Variants in DLG2 observed in about 807,000 individuals in gnomAD.
DLG2 encodes the protein discs large MAGUK scaffold protein 2.
In DLG2, 45 loss-of-function variants were observed where a neutral mutation model predicts 132.5. That is an observed-to-expected ratio of 0.34 (90% CI 0.27 to 0.44). The LOEUF (loss-of-function observed/expected upper bound fraction) is 0.44, where lower values mean the gene tolerates loss of function less well. Among genes scored for constraint, DLG2 ranks in the 20% least tolerant of loss-of-function variants. The pLI, the probability that DLG2 is intolerant of heterozygous loss-of-function variation, is 1.00. For synonymous variants in DLG2, 424 were observed against 419.6 expected (o/e 1.01, Z -0.13); for missense variants, 1,045 against 1,196.9 (o/e 0.87, Z 1.87).
At chr11:83,822,425 C>T (rs953941458) in intron 17 of DLG2, among the ~76,000 whole-genome samples, 1 of 152,106 alleles carries the variant, frequency 6.6e-6, no homozygotes, top group African/African-American at 2.4e-5. Context: ...TTTATCTACC[C>T]AGTGTTCAGA....
intron 7 of DLG2, among the ~76,000 whole-genome samples, chr11:84,331,141 T>C (rs1317973353): frequency 6.6e-6 from 1 of 152,208 alleles, no homozygotes; most frequent in Non-Finnish European, 1.5e-5. Flanking sequence ...AGGTTTGAAT[T>C]TATGTATACT....
At chr11:85,105,974 G>A (rs2071674076) in intron 6 of DLG2, among the ~76,000 whole-genome samples, 1 of 137,178 alleles carries the variant, frequency 7.3e-6, no homozygotes, top group Non-Finnish European at 1.5e-5. Flanking sequence ...AAAAAGGGTT[G>A]GGAGGAACTA....
At chr11:84,207,081 C>CTATA (rs66827556) in intron 8 of DLG2, among the ~76,000 whole-genome samples, 32,597 of 146,688 alleles carry the variant, frequency 0.22, 4,005 homozygotes, top group Middle Eastern at 0.38. Context: ...CTCTCTCTCT[C>CTATA]TATATATATA....
chr11:84,984,032 A>G (rs2056141796), intron 6 of DLG2, among the ~76,000 whole-genome samples: 1 of 152,228 alleles, frequency 6.6e-6, no homozygotes, highest in Admixed American at 6.5e-5. Flanking sequence ...AAACTTAAGA[A>G]TAATTGGCAT....
intron 21 of DLG2, among the ~76,000 whole-genome samples, chr11:83,520,245 A>G (rs2095428196): frequency 6.6e-6 from 1 of 152,168 alleles, no homozygotes; most frequent in Non-Finnish European, 1.5e-5. Context: ...TTGAGACAGT[A>G]ATTGGAAAAG....
chr11:84,325,811 G>C (rs1187972419), intron 7 of DLG2, among the ~76,000 whole-genome samples: 1 of 152,202 alleles, frequency 6.6e-6, no homozygotes, highest in Non-Finnish European at 1.5e-5. Context: ...GGAAGAGTTT[G>C]AGAAAGATTG....
chr11:85,063,150 G>C (rs778539102), intron 6 of DLG2, among the ~76,000 whole-genome samples: 1 of 151,784 alleles, frequency 6.6e-6, no homozygotes, highest in Non-Finnish European at 1.5e-5. Context: ...AGTGTTAGCC[G>C]CTAAGGCTTA....
In DLG2 at chr11:83,532,626, C is replaced by T. The variant is rs1050042328; in HGVS notation, c.2193+82G>A. 28 of 1,185,288 alleles carry T rather than the reference C, an allele frequency of 2.4e-5. 1 individual carries two copies. Among genetic ancestry groups the T allele is most frequent in the South Asian group, 7.5e-5 (6 of 80,254 alleles). 73.4% of individuals were successfully genotyped at this position (1,185,288 alleles called of 1,614,324 possible). A position where few individuals can be genotyped will look rare whatever the true frequency, so the allele number is the denominator to read the frequency against. ...GTCTGGTACCTTCATAATTTGTTTG[C>T]TACTGAAAGCCTAAATGTGTTAATT... is the stretch of plus-strand genomic sequence containing the variant. On this transcript the variant is annotated intron_variant, in intron 21 of 27. Transcript: ENST00000376104.
At chr11:85,186,424 A>G (rs1035951452) in intron 4 of DLG2, among the ~76,000 whole-genome samples, 1 of 152,070 alleles carries the variant, frequency 6.6e-6, no homozygotes, top group East Asian at 1.9e-4. Context: ...AGTGGCTACC[A>G]TATTGGACAG....
At chr11:84,384,402 A>C (rs532000218) in intron 7 of DLG2, among the ~76,000 whole-genome samples, 13 of 152,206 alleles carry the variant, frequency 8.5e-5, no homozygotes, top group African/African-American at 3.1e-4. Flanking sequence ...AACATTAGTT[A>C]AATGTATAAA....
intron 10 of DLG2, among the ~76,000 whole-genome samples, chr11:84,081,413 T>C (rs1012989212): frequency 6.7e-6 from 1 of 148,594 alleles, no homozygotes; most frequent in Non-Finnish European, 1.5e-5. Flanking sequence ...TAAAAAATAC[T>C]TCAGGTCTAT....
chr11:85,297,462 C>G (rs1276302397), intron 3 of DLG2, among the ~76,000 whole-genome samples: 3 of 152,164 alleles, frequency 2.0e-5, no homozygotes, highest in Non-Finnish European at 2.9e-5. Flanking sequence ...ATAGTCAAAC[C>G]AGCAGGCCAT....
intron 6 of DLG2, among the ~76,000 whole-genome samples, chr11:84,758,163 A>G (rs2067143027): frequency 6.6e-6 from 1 of 152,230 alleles, no homozygotes; most frequent in Non-Finnish European, 1.5e-5. Flanking sequence ...GGATTGTTTC[A>G]GTTAAATTAA....
At chr11:85,056,875 A>G (rs1028289956) in intron 6 of DLG2, among the ~76,000 whole-genome samples, 1 of 151,980 alleles carries the variant, frequency 6.6e-6, no homozygotes, top group Non-Finnish European at 1.5e-5. Context: ...AAACGTAGGC[A>G]AAATAAAAAC....
intron 21 of DLG2, among the ~76,000 whole-genome samples, chr11:83,518,388 G>C (rs1174679764): frequency 6.6e-6 from 1 of 152,212 alleles, no homozygotes; most frequent in African/African-American, 2.4e-5. Context: ...TATTAGGGTG[G>C]GAGTGACCTG....
intron 8 of DLG2, among the ~76,000 whole-genome samples, chr11:84,207,683 T>C (rs2096690645): frequency 6.6e-6 from 1 of 152,152 alleles, no homozygotes; most frequent in Non-Finnish European, 1.5e-5. Flanking sequence ...AACTATAAAG[T>C]TCATAAAAGA....
chr11:83,726,524 G>A (rs1305130445), intron 18 of DLG2, among the ~76,000 whole-genome samples: 4 of 152,122 alleles, frequency 2.6e-5, no homozygotes, highest in Non-Finnish European at 5.9e-5. Flanking sequence ...ACGTCTAAAT[G>A]ACAAGGAGGT....
At chr11:85,407,712 C>T (rs1565447494) in intron 3 of DLG2, among the ~76,000 whole-genome samples, 1 of 151,862 alleles carries the variant, frequency 6.6e-6, no homozygotes, top group East Asian at 1.9e-4. Context: ...CACAGAAAAA[C>T]TCTGGGAAAG....
intron 20 of DLG2, among the ~76,000 whole-genome samples, chr11:83,535,049 C>A (rs1007317493): frequency 7.9e-5 from 12 of 152,192 alleles, no homozygotes; most frequent in Admixed American, 2.6e-4. Context: ...GAAAGCAAGA[C>A]AGATTTCAGA....
Sources: gnomAD v4.1 joint callset for allele counts (sites outside exome capture counted in the v4.1 genomes callset) on GRCh38, gnomAD v4.1.1 for gene constraint, MANE v1.5 for transcripts, NCBI Gene and HGNC (gene_info 2026-07-23, HGNC 2026-07-21) for gene names.